SIPA1L1: variants seen among roughly 807,000 people sequenced by gnomAD.
SIPA1L1 encodes the protein signal induced proliferation associated 1 like 1.
Under a neutral mutation model 162.7 loss-of-function variants are expected in SIPA1L1, and 26 were observed. The observed-to-expected ratio is 0.16, with a 90% CI of 0.12 to 0.22. The LOEUF (loss-of-function observed/expected upper bound fraction) is 0.22. Ranked by LOEUF, SIPA1L1 falls within the 10% of genes least tolerant of loss-of-function variation. SIPA1L1 has a pLI of 1.00. For synonymous variants in SIPA1L1, 829 were observed against 837.4 expected, an observed-to-expected ratio of 0.99 and a Z score of 0.17; for missense variants, 1,874 against 2,241.0, an observed-to-expected ratio of 0.84 and a Z score of 3.31.
At chr14:71,524,480 T>C (rs1462613218) in intron 3 of SIPA1L1, among the ~76,000 whole-genome samples, 3 of 152,246 alleles carry the variant, frequency 2.0e-5, no homozygotes, top group Non-Finnish European at 4.4e-5. Context: ...AAGATATATT[T>C]TGAGACATGC....
chr14:71,467,839 G>A (rs1468359276), intron 2 of SIPA1L1, among the ~76,000 whole-genome samples: 4 of 132,904 alleles, frequency 3.0e-5, no homozygotes, highest in Non-Finnish European at 4.7e-5. Context: ...AACATAACTA[G>A]ACCCCCATCT....
chr14:71,444,685 G>T (rs924270984), intron 2 of SIPA1L1, among the ~76,000 whole-genome samples: 11 of 152,174 alleles, frequency 7.2e-5, no homozygotes, highest in African/African-American at 2.7e-4. Flanking sequence ...ATGGTGTCAT[G>T]AGGTGTTTTT....
intron 4 of SIPA1L1, among the ~76,000 whole-genome samples, chr14:71,575,526 T>G (rs1567229723): frequency 6.6e-6 from 1 of 152,180 alleles, no homozygotes; most frequent in Non-Finnish European, 1.5e-5. Context: ...TATTTGAGGG[T>G]AAAAGATAAA....
intron 2 of SIPA1L1, among the ~76,000 whole-genome samples, chr14:71,437,876 T>C (rs1192590987): frequency 1.3e-5 from 2 of 152,186 alleles, no homozygotes; most frequent in East Asian, 3.8e-4. Flanking sequence ...GGATCCTCAA[T>C]AGGAAGTAAT....
At chr14:71,364,018 C>T (rs1240676123) in intron 2 of SIPA1L1, among the ~76,000 whole-genome samples, 1 of 152,170 alleles carries the variant, frequency 6.6e-6, no homozygotes, top group Non-Finnish European at 1.5e-5. Context: ...ACCTTTTACG[C>T]TGTTAAAAAA....
intron 16 of SIPA1L1, among the ~76,000 whole-genome samples, chr14:71,707,032 C>CAA (rs775191889): frequency 1.7e-4 from 16 of 92,406 alleles, no homozygotes; most frequent in African/African-American, 5.1e-4. Flanking sequence ...AAGACTCCGT[C>CAA]AAAAAAAAAA....
chr14:71,362,338 T>C (rs2140887253), intron 2 of SIPA1L1, among the ~76,000 whole-genome samples: 1 of 152,042 alleles, frequency 6.6e-6, no homozygotes, highest in East Asian at 1.9e-4. Context: ...AAACCAAAGG[T>C]TCCCTGTGAA....
At chr14:71,466,615 T>C (rs1019867988) in intron 2 of SIPA1L1, among the ~76,000 whole-genome samples, 1 of 151,934 alleles carries the variant, frequency 6.6e-6, no homozygotes, top group Non-Finnish European at 1.5e-5. Flanking sequence ...AAATTCACTG[T>C]GTTCTAATTG....
intron 2 of SIPA1L1, among the ~76,000 whole-genome samples, chr14:71,409,310 G>A (rs2042241343): frequency 6.6e-6 from 1 of 152,114 alleles, no homozygotes; most frequent in South Asian, 2.1e-4. Context: ...TTTCCGTGGT[G>A]TGGCTAGAGT....
At chr14:71,454,983 T>A (rs983516406) in intron 2 of SIPA1L1, among the ~76,000 whole-genome samples, 1 of 152,224 alleles carries the variant, frequency 6.6e-6, no homozygotes, top group African/African-American at 2.4e-5. Context: ...GGGATTACCC[T>A]TATTGCCTTA....
chr14:71,337,957 A>G (rs1323666324), intron 2 of SIPA1L1, among the ~76,000 whole-genome samples: 1 of 152,016 alleles, frequency 6.6e-6, no homozygotes, highest in Non-Finnish European at 1.5e-5. Flanking sequence ...AAAAAAGAAA[A>G]ATGTATGTGA....
chr14:71,386,831 GTAAGGTTTAA>G, intron 2 of SIPA1L1, among the ~76,000 whole-genome samples: 1 of 152,332 alleles, frequency 6.6e-6, no homozygotes, highest in African/African-American at 2.4e-5. Flanking sequence ...CTGAGGCTGT[GTAAGGTTTAA>G]CCAGGATCCA....
At chr14:71,725,061 C>T (rs1349969530) in intron 19 of SIPA1L1, among the ~76,000 whole-genome samples, 1 of 152,238 alleles carries the variant, frequency 6.6e-6, no homozygotes, top group African/African-American at 2.4e-5. Context: ...CCTGGTCCTA[C>T]CCCTACAGCT....
intron 2 of SIPA1L1, among the ~76,000 whole-genome samples, chr14:71,466,673 A>AGT (rs1355088998): frequency 6.6e-6 from 1 of 152,130 alleles, no homozygotes; most frequent in African/African-American, 2.4e-5. Flanking sequence ...TGGTACCTAA[A>AGT]GTGGAGATTT....
chr14:71,516,594 C>T (rs2051749336), intron 3 of SIPA1L1, among the ~76,000 whole-genome samples: 1 of 152,106 alleles, frequency 6.6e-6, no homozygotes, highest in South Asian at 2.1e-4. Context: ...CCTGTATTGC[C>T]CAGGCTGGGC....
At chr14:71,552,506 C>T (rs1177084531) in intron 4 of SIPA1L1, among the ~76,000 whole-genome samples, 1 of 151,998 alleles carries the variant, frequency 6.6e-6, no homozygotes, top group African/African-American at 2.4e-5. Context: ...ATTCTCCTGC[C>T]TCAGCCTCCC....
chr14:71,344,710 C>T (rs571227656), intron 2 of SIPA1L1, among the ~76,000 whole-genome samples: 1 of 152,094 alleles, frequency 6.6e-6, no homozygotes, highest in African/African-American at 2.4e-5. Context: ...TAGGTGTGCG[C>T]CACTATGCCC....
chr14:71,321,099 A>G (rs1033692842), intron 1 of SIPA1L1, 23 bp from the exon 2 acceptor site: 1 of 151,850 alleles, frequency 6.6e-6, no homozygotes, highest in Non-Finnish European at 1.5e-5. Context: ...CCGGCCGTCT[A>G]CACGGTTTCT....
chr14:71,650,968 T>G (rs1217924203), intron 8 of SIPA1L1, among the ~76,000 whole-genome samples: 1 of 152,208 alleles, frequency 6.6e-6, no homozygotes, highest in Non-Finnish European at 1.5e-5. Context: ...CTAGGGTTTT[T>G]GTTTCTATTA....
Sources: allele counts gnomAD v4.1 joint callset (sites outside exome capture counted in the v4.1 genomes callset), GRCh38; gene constraint gnomAD v4.1.1; transcripts MANE v1.5; gene names NCBI Gene and HGNC (gene_info 2026-07-23, HGNC 2026-07-21).